KDM6A: variants seen among roughly 807,000 people sequenced by gnomAD.
KDM6A encodes the protein lysine demethylase 6A.
In KDM6A, 11 loss-of-function variants were observed where a neutral mutation model predicts 117.6. The observed-to-expected ratio is 0.09, with a 90% CI of 0.06 to 0.15. KDM6A has a LOEUF of 0.15. Among genes scored for constraint, KDM6A ranks in the 10% least tolerant of loss-of-function variants. The probability of loss-of-function intolerance (pLI) is 1.00; values close to 1 mark genes in which losing one functional copy is unlikely to be tolerated. For missense variants in KDM6A, 799 were observed against 1,077.3 expected (o/e 0.74, Z 3.62); for synonymous variants, 384 against 396.1 (o/e 0.97, Z 0.36).
chrX:44,895,783 G>A (rs1406962116), intron 2 of KDM6A, among the ~76,000 whole-genome samples: 2 of 107,136 alleles, frequency 1.9e-5, no homozygotes, highest in African/African-American at 3.4e-5. Flanking sequence ...GTATTTGGAG[G>A]GTTTTCTGTT....
intron 7 of KDM6A, among the ~76,000 whole-genome samples, chrX:45,035,988 C>A (rs1399994419): frequency 9.0e-6 from 1 of 111,710 alleles, no homozygotes; most frequent in Admixed American, 9.5e-5. Flanking sequence ...CGGGAGCCAC[C>A]GCGCCCGTCC....
chrX:45,108,726 CCAA>C (rs1213193909), intron 28 of KDM6A, among the ~76,000 whole-genome samples: 3 of 99,035 alleles, frequency 3.0e-5, no homozygotes, highest in Non-Finnish European at 6.1e-5. Flanking sequence ...ACCCAAATGT[CCAA>C]CAATGATAGA....
intron 17 of KDM6A, among the ~76,000 whole-genome samples, chrX:45,065,876 G>A (rs1011673422): frequency 1.8e-5 from 2 of 109,276 alleles, no homozygotes; most frequent in Non-Finnish European, 3.8e-5. Flanking sequence ...GAAGCCAAAT[G>A]AAGAAAGTTT....
At chrX:45,041,183 C>A (rs1450253900) in intron 8 of KDM6A, among the ~76,000 whole-genome samples, 1 of 83,377 alleles carries the variant, frequency 1.2e-5, no homozygotes. Flanking sequence ...GCTGACCCCC[C>A]CCTCCCCCCT....
At chrX:44,967,319 C>G (rs759373238) in intron 3 of KDM6A, among the ~76,000 whole-genome samples, 15 of 111,536 alleles carry the variant, frequency 1.3e-4, no homozygotes, top group Non-Finnish European at 2.6e-4. Context: ...CTTTGGCTAC[C>G]TCCTTCTCCT....
At chrX:45,103,870 C>T (rs1047741077) in intron 27 of KDM6A, among the ~76,000 whole-genome samples, 2 of 111,888 alleles carry the variant, frequency 1.8e-5, no homozygotes, top group African/African-American at 6.5e-5. Context: ...CAATACTGAT[C>T]CTTAAACGTC....
chrX:45,082,699 G>C lies in KDM6A; in HGVS notation c.3366-16G>C. Reference sequence around the variant, plus strand: ...TTTTAAAAGGCATGTTTCTAATACTGTGTCTCTTTTTTAAGTTCTGGGAGG... The same window carrying C: ...TTTTAAAAGGCATGTTTCTAATACTCTGTCTCTTTTTTAAGTTCTGGGAGG... On this transcript the variant is annotated splice_polypyrimidine_tract_variant and intron_variant, in intron 22 of 29. Transcript: ENST00000611820. 8.4e-7 allele frequency: 1 copy of C among 1,196,005 alleles called. No individual in the cohort carries two copies. The highest frequency in any genetic ancestry group is 1.8e-5 in the South Asian group (1 of 56,650).
At chrX:44,894,601 CTTAA>C (rs1197118636) in intron 2 of KDM6A, among the ~76,000 whole-genome samples, 5 of 103,016 alleles carry the variant, frequency 4.9e-5, no homozygotes, top group Non-Finnish European at 7.7e-5. Flanking sequence ...GGTTTGTCAA[CTTAA>C]TTAATTAATT....
intron 18 of KDM6A, among the ~76,000 whole-genome samples, chrX:45,074,808 T>C (rs1416675205): frequency 8.9e-6 from 1 of 112,247 alleles, no homozygotes; most frequent in African/African-American, 3.2e-5. Flanking sequence ...CTTTTTCTTT[T>C]CTATTTTAAA....
chrX:44,991,738 G>A (rs2040596835), intron 4 of KDM6A, among the ~76,000 whole-genome samples: 1 of 111,957 alleles, frequency 8.9e-6, no homozygotes, highest in Non-Finnish European at 1.9e-5. Flanking sequence ...TCAGGCTGGA[G>A]TGCAGTGGCA....
chrX:44,932,434 T>C (rs1448888609), intron 2 of KDM6A, among the ~76,000 whole-genome samples: 1 of 111,067 alleles, frequency 9.0e-6, no homozygotes, highest in Non-Finnish European at 1.9e-5. Context: ...TTTGCTATTA[T>C]TATTTGTGTT....
intron 2 of KDM6A, among the ~76,000 whole-genome samples, chrX:44,906,534 G>A (rs2034670335): frequency 9.1e-6 from 1 of 109,926 alleles, no homozygotes; most frequent in African/African-American, 3.3e-5. Flanking sequence ...TAATCGTTTA[G>A]AGGTAGAACC....
chrX:44,916,042 C>T (rs972625781), intron 2 of KDM6A, among the ~76,000 whole-genome samples: 1 of 111,114 alleles, frequency 9.0e-6, no homozygotes, highest in Non-Finnish European at 1.9e-5. Context: ...TTGTTATAAT[C>T]GTTCTATTTT....
At chrX:45,092,828 A>G (rs1053112948) in intron 27 of KDM6A, among the ~76,000 whole-genome samples, 5 of 111,449 alleles carry the variant, frequency 4.5e-5, no homozygotes, top group Non-Finnish European at 9.4e-5. Context: ...ACAAAGATCT[A>G]TGGGTAGAAC....
chrX:44,940,273 T>G (rs2037218450), intron 2 of KDM6A, among the ~76,000 whole-genome samples: 1 of 111,040 alleles, frequency 9.0e-6, no homozygotes, highest in Non-Finnish European at 1.9e-5. Context: ...AGGCTGGTCT[T>G]GAACTCCTGA....
intron 24 of KDM6A, among the ~76,000 whole-genome samples, chrX:45,083,874 A>G (rs1382212020): frequency 9.0e-6 from 1 of 110,870 alleles, no homozygotes; most frequent in African/African-American, 3.3e-5. Context: ...TGGCCTGAAG[A>G]CTCTGTTGTC....
chrX:44,990,407 G>T (rs746134715), intron 4 of KDM6A, among the ~76,000 whole-genome samples: 1 of 110,259 alleles, frequency 9.1e-6, no homozygotes, highest in Admixed American at 9.7e-5. Flanking sequence ...CAATGTGGTG[G>T]CACGCGCTTG....
At chrX:44,882,919 A>G (rs1418200746) in intron 2 of KDM6A, among the ~76,000 whole-genome samples, 2 of 111,657 alleles carry the variant, frequency 1.8e-5, no homozygotes, top group African/African-American at 6.5e-5. Context: ...ATAAAGATAC[A>G]TGCAAAGTGC....
At chrX:44,883,065 G>GTTT (rs56794838) in intron 2 of KDM6A, among the ~76,000 whole-genome samples, 3 of 99,700 alleles carry the variant, frequency 3.0e-5, no homozygotes, top group Admixed American at 1.1e-4. Flanking sequence ...GAGCAGTTAA[G>GTTT]TTTTTTTTTT....
Sources: allele counts gnomAD v4.1 joint callset (sites outside exome capture counted in the v4.1 genomes callset), GRCh38; gene constraint gnomAD v4.1.1; transcripts MANE v1.5; gene names NCBI Gene and HGNC (gene_info 2026-07-23, HGNC 2026-07-21).